Variants in CEP170B observed in about 807,000 individuals in gnomAD.
The protein encoded by CEP170B is centrosomal protein 170B.
A neutral mutation model predicts 120.6 loss-of-function variants in CEP170B; 55 were observed. The observed-to-expected ratio is 0.46, with a 90% CI of 0.37 to 0.57. The LOEUF is 0.57. CEP170B is among the 20% of genes least tolerant of loss of function. CEP170B has a pLI of 0.00. For missense variants in CEP170B, 2,212 were observed against 2,253.3 expected (o/e 0.98, Z 0.37); for synonymous variants, 1,033 against 954.5 (o/e 1.08, Z -1.52).
At chr14:104,885,022 G>A (rs1211610854) in intron 9 of CEP170B, among the ~76,000 whole-genome samples, 3 of 142,234 alleles carry the variant, frequency 2.1e-5, no homozygotes, top group East Asian at 4.3e-4. Flanking sequence ...GATGCCGGGG[G>A]TGGCGAGTGA....
In CEP170B at chr14:104,887,430, A is replaced by C. The variant is rs200248340; in HGVS notation, c.3191A>C (p.Asn1064Thr). The change falls in exon 12 of 19, where the codon AAC becomes ACC. Residue 1064 changes from asparagine to threonine, a missense_variant. Asn to Thr is a moderately conservative substitution (Grantham distance 65). Coordinates refer to ENST00000414716, the MANE Select transcript of CEP170B (RefSeq NM_001112726.3). Reference protein sequence around the residue: ...HLPSSDVMASNHETPEATGAG... With the variant: ...HLPSSDVMASTHETPEATGAG... ...CCCAGCTCAGATGTGATGGCCTCCA[A>C]CCACGAAACCCCTGAGGCCACCGGG... 3,829 of 1,611,534 alleles carry C rather than the reference A, an allele frequency of 2.4e-3. 12 individuals carry two copies. Among genetic ancestry groups the C allele is most frequent in the Non-Finnish European group, 2.9e-3 (3,390 of 1,179,314 alleles).
chr14:104,884,047 C>G lies in CEP170B; in HGVS notation c.1268C>G (p.Thr423Arg). Residue 423 changes from threonine to arginine, a missense_variant, in exon 9 of 19, where the codon ACG becomes AGG. Transcript: ENST00000414716. The part of the protein sequence containing the change: ...TPRKKRSQSF[T>R]HSPSGDPKAD... ...CGAAAGAAGCGCTCCCAGTCCTTCA[C>G]GCACAGCCCGTCCGGGGACCCCAAG... The G allele has an allele frequency of 1.9e-6, 3 of 1,609,664 alleles. No individual in the cohort carries two copies. Among genetic ancestry groups the G allele is most frequent in the Non-Finnish European group, 2.5e-6 (3 of 1,178,270 alleles).
At position 104,877,982 on chromosome 14, in the gene CEP170B, T is replaced by A; in HGVS notation, c.274+19T>A. 6.3e-7 allele frequency: 1 copy of A among 1,584,734 alleles called. No homozygotes were observed. The highest frequency in any genetic ancestry group is 8.6e-7 in the Non-Finnish European group (1 of 1,161,120). On this transcript the variant is annotated intron_variant, in intron 4 of 18. Transcript: ENST00000414716. Reference sequence around the variant, plus strand: ...GGCTACGATATCCTGCCCCTGAGCGTCCCTCCTCCTGGGCTTCTTCTCAGT... The same window carrying A: ...GGCTACGATATCCTGCCCCTGAGCGACCCTCCTCCTGGGCTTCTTCTCAGT...
intron 16 of CEP170B, 85 bp from the exon 17 acceptor site, chr14:104,894,200 G>A: frequency 9.1e-7 from 1 of 1,094,994 alleles, no homozygotes; most frequent in Non-Finnish European, 1.4e-6. Flanking sequence ...CTTCACCATG[G>A]CAGAGGAGGT....
In CEP170B at chr14:104,895,178, G is replaced by A. The variant is rs955585297; in HGVS notation, c.*220G>A. The A allele has an allele frequency of 6.9e-5, 36 of 521,176 alleles. No individual in the cohort carries two copies. The highest frequency in any genetic ancestry group is 4.9e-4 in the Middle Eastern group (1 of 2,026). 32.3% of individuals were successfully genotyped at this position (521,176 alleles called of 1,614,324 possible). A position where few individuals can be genotyped will look rare whatever the true frequency, so the allele number is the denominator to read the frequency against. On this transcript the variant is annotated 3_prime_UTR_variant, in exon 19 of 19. Coordinates refer to ENST00000414716, the MANE Select transcript of CEP170B (RefSeq NM_001112726.3). ...CCATGGCCACCCCCACCCCTGCCTC[G>A]CCCCCTACAGGCCTCTGGGCCCAGC...
In CEP170B at chr14:104,882,794, C is replaced by G. The variant is rs759345773; in HGVS notation, c.539C>G (p.Thr180Arg). 1.9e-6 allele frequency: 3 copies of G among 1,612,302 alleles called. No homozygotes were observed. In the South Asian group the frequency reaches 3.3e-5, roughly 18 times the overall value. The change falls in exon 7 of 19, where the codon ACG becomes AGG. Residue 180 changes from threonine (T) to arginine (R), a missense_variant. By Grantham distance (71) the Thr-to-Arg change is moderately conservative. Transcript: ENST00000414716. ...TGGTGGGGTGAGGACGATGGTAGCA[C>G]GCTGCCTGACGCCCAGCGCCAGGGA... ...PSWWGEDDGS[T>R]LPDAQRQGEP...
At position 104,886,329 on chromosome 14, in the gene CEP170B, T is replaced by C. The variant is rs1490734879; in HGVS notation, c.2090T>C (p.Met697Thr). The stretch of plus-strand genomic sequence containing the variant: ...CCGGAGGGGTCCCTGCCTGTGCGCA[T>C]GCGGCGACGGCTCCCTCAGCTGCCC... The part of the protein sequence containing the change: ...GEPEGSLPVR[M>T]RRRLPQLPSE... Residue 697 changes from methionine to threonine, a missense_variant, in exon 12 of 19, where the codon ATG (methionine) becomes ACG (threonine). Met to Thr is a moderately conservative substitution (Grantham distance 81). Around this residue, in one of 2 missense-constraint regions of CEP170B, gnomAD observed 2,166 missense variants for 2,166.7 expected, o/e 1.00. Transcript: ENST00000414716. 1.6e-5 allele frequency: 25 copies of C among 1,556,426 alleles called. No homozygotes were observed. The highest frequency in any genetic ancestry group is 5.6e-5 in the Admixed American group (3 of 53,224).
At chr14:104,869,857 G>T (rs1478717271) in intron 2 of CEP170B, among the ~76,000 whole-genome samples, 1 of 152,176 alleles carries the variant, frequency 6.6e-6, no homozygotes, top group Non-Finnish European at 1.5e-5. Context: ...ATACATTTGT[G>T]CCATTTCCAC....
At chr14:104,883,762 G>A in intron 8 of CEP170B, 69 bp from the exon 9 acceptor site, 1 of 1,407,194 alleles carries the variant, frequency 7.1e-7, no homozygotes, top group Non-Finnish European at 9.5e-7. Flanking sequence ...GGGGTGATGA[G>A]GCTGCCTGAG....
In CEP170B at chr14:104,876,247, T is replaced by C. The variant is rs1595321682; in HGVS notation, c.106-9T>C. ...GGAGCACCTGAGGGCTGGCTGTGTGTCTCTCCAGTCCCGCAGCGTGGACAA... is the reference window on the plus strand; with the variant it reads ...GGAGCACCTGAGGGCTGGCTGTGTGCCTCTCCAGTCCCGCAGCGTGGACAA... On this transcript the variant is annotated splice_polypyrimidine_tract_variant and intron_variant, in intron 2 of 18. Coordinates refer to ENST00000414716, the MANE Select transcript of CEP170B (RefSeq NM_001112726.3). 10 of 1,550,372 alleles carry C rather than the reference T, an allele frequency of 6.5e-6. No homozygotes were observed. In the East Asian group the frequency reaches 2.4e-4, roughly 38 times the overall value.
intron 2 of CEP170B, among the ~76,000 whole-genome samples, chr14:104,875,492 G>A (rs775444146): frequency 4.6e-5 from 7 of 152,164 alleles, no homozygotes; most frequent in Non-Finnish European, 8.8e-5. Context: ...GGCAGCACAG[G>A]GTGCTGTGTG....
At chr14:104,866,121 C>G (rs1460825438) in intron 1 of CEP170B, among the ~76,000 whole-genome samples, 1 of 152,176 alleles carries the variant, frequency 6.6e-6, no homozygotes, top group Non-Finnish European at 1.5e-5. Flanking sequence ...TATTCTTCCT[C>G]CTAGCAACGA....
chr14:104,873,107 C>G (rs924765314), intron 2 of CEP170B, among the ~76,000 whole-genome samples: 4 of 152,018 alleles, frequency 2.6e-5, no homozygotes, highest in African/African-American at 9.7e-5. Flanking sequence ...GAAGGGGGTT[C>G]CCCATGTGTC....
intron 10 of CEP170B, 105 bp downstream of exon 10, chr14:104,885,647 T>C: frequency 7.1e-7 from 1 of 1,411,788 alleles, no homozygotes; most frequent in Non-Finnish European, 9.4e-7. Context: ...GACTGGACTT[T>C]CCTCTGAGGG....
chr14:104,878,029 GT>G, intron 4 of CEP170B, 66 bp downstream of exon 4: 1 of 1,309,722 alleles, frequency 7.6e-7, no homozygotes, highest in Non-Finnish European at 1.1e-6. Context: ...CAGTCACCCT[GT>G]TACTCCAGAA....
chr14:104,883,283 T>C lies in CEP170B; in HGVS notation c.826T>C (p.Cys276Arg), dbSNP rs1896259200. The C allele has an allele frequency of 6.2e-7, 1 of 1,611,880 alleles. No individual in the cohort carries two copies. The highest frequency in any genetic ancestry group is 8.5e-7 in the Non-Finnish European group (1 of 1,179,680). The change falls in exon 8 of 19, where the codon TGC becomes CGC. Residue 276 changes from cysteine (C) to arginine (R), a missense_variant. Physicochemically the swap from Cys to Arg is radical, Grantham distance 180. This residue lies in a region of CEP170B where 2,166 missense variants were observed against 2,166.7 expected (regional missense o/e 1.00). Coordinates refer to ENST00000414716, the MANE Select transcript of CEP170B (RefSeq NM_001112726.3). The stretch of plus-strand genomic sequence containing the variant: ...CTCCTTCACCATCGAGTTTGATGAC[T>C]GCAGCCCTGGCAAGATGAAGATCAA... ...HASFTIEFDD[C>R]SPGKMKIKDH...
At chr14:104,866,660 G>A (rs1895224896) in intron 1 of CEP170B, among the ~76,000 whole-genome samples, 1 of 152,210 alleles carries the variant, frequency 6.6e-6, no homozygotes, top group Non-Finnish European at 1.5e-5. Context: ...GGTTTACCAT[G>A]GGGCACGTGG....
intron 5 of CEP170B, 55 bp from the exon 6 acceptor site, chr14:104,880,232 G>C (rs930060879): frequency 1.9e-6 from 3 of 1,550,164 alleles, no homozygotes; most frequent in East Asian, 2.4e-5. Flanking sequence ...GCCCACCCTG[G>C]TGGGTTCCTC....
chr14:104,893,150 T>C lies in CEP170B; in HGVS notation c.4038+15T>C. On this transcript the variant is annotated intron_variant, in intron 14 of 18. Transcript: ENST00000414716. ...CCCGGGAGGAGGTGAGCCCCAGGCT[T>C]TCTGAGGCCCCTGTGCCAGAGCCAC... 1 of 1,602,732 alleles carries C rather than the reference T, an allele frequency of 6.2e-7. No homozygotes were observed. Among genetic ancestry groups the C allele is most frequent in the Non-Finnish European group, 8.5e-7 (1 of 1,175,662 alleles).
Sources: gnomAD v4.1 joint callset for allele counts (sites outside exome capture counted in the v4.1 genomes callset) on GRCh38, gnomAD v4.1.1 for gene constraint, gnomAD v4.1.1 regional missense constraint, MANE v1.5 for transcripts, NCBI Gene and HGNC (gene_info 2026-07-23, HGNC 2026-07-21) for gene names.